Variants in DOCK9 observed in about 807,000 individuals in gnomAD.
DOCK9 encodes the protein dedicator of cytokinesis protein 9.
In DOCK9, 89 loss-of-function variants were observed where a neutral mutation model predicts 263.3. The observed-to-expected ratio is 0.34, with a 90% CI of 0.28 to 0.40. DOCK9 has a LOEUF of 0.40. DOCK9 is among the 10% of genes least tolerant of loss of function. DOCK9 has a pLI of 1.00. For missense variants in DOCK9, 2,140 were observed against 2,603.4 expected (o/e 0.82, Z 3.87); for synonymous variants, 976 against 973.1 (o/e 1.00, Z -0.06).
At chr13:98,998,323 C>T (rs1881516876) in intron 1 of DOCK9, among the ~76,000 whole-genome samples, 2 of 152,192 alleles carry the variant, frequency 1.3e-5, no homozygotes, top group Admixed American at 6.5e-5. Flanking sequence ...CCTCAAGATG[C>T]AAACTCTGCT....
intron 45 of DOCK9, among the ~76,000 whole-genome samples, chr13:98,817,774 T>A (rs1456399222): frequency 1.0e-4 from 12 of 115,356 alleles, no homozygotes; most frequent in Admixed American, 2.7e-4. Flanking sequence ...TTATATTTGC[T>A]AAAAAAAAAA....
At chr13:98,956,490 G>A (rs890868441) in intron 1 of DOCK9, among the ~76,000 whole-genome samples, 3 of 152,160 alleles carry the variant, frequency 2.0e-5, no homozygotes, top group African/African-American at 4.8e-5. Flanking sequence ...GCTCACACCC[G>A]TAATCTCAGC....
intron 1 of DOCK9, among the ~76,000 whole-genome samples, chr13:99,082,422 G>C (rs2042158567): frequency 6.6e-6 from 1 of 151,744 alleles, no homozygotes; most frequent in African/African-American, 2.4e-5. Flanking sequence ...AGGAGGCTGA[G>C]GCAGGAGAAC....
intron 1 of DOCK9, among the ~76,000 whole-genome samples, chr13:99,047,558 G>A (rs895898316): frequency 1.2e-4 from 16 of 137,266 alleles, no homozygotes; most frequent in African/African-American, 3.6e-4. Flanking sequence ...TCGCCCAGTC[G>A]CCTAGGCTGG....
At chr13:99,075,619 C>A (rs1257617850) in intron 1 of DOCK9, among the ~76,000 whole-genome samples, 2 of 151,904 alleles carry the variant, frequency 1.3e-5, no homozygotes, top group African/African-American at 4.8e-5. Context: ...CCCACCTCAG[C>A]CTCCCAAAGT....
chr13:98,902,728 T>C (rs949639869), intron 11 of DOCK9, among the ~76,000 whole-genome samples: 4 of 152,262 alleles, frequency 2.6e-5, no homozygotes, highest in South Asian at 2.1e-4. Flanking sequence ...GAAAACACAG[T>C]TGCGTTCCCT....
rs2089097902 is a variant in DOCK9 at position 98,794,600 on chromosome 13, C to T, written c.*26G>A. On this transcript the variant is annotated 3_prime_UTR_variant, in exon 53 of 53. Transcript: ENST00000682017. ...TGAGTTTGCAAATGACAAAGCAAGT[C>T]CCCACACACGGGCCATGAGATGTAA... The T allele has an allele frequency of 1.9e-6, 3 of 1,560,844 alleles. No individual in the cohort carries two copies. Among genetic ancestry groups the T allele is most frequent in the Middle Eastern group, 1.7e-4 (1 of 5,994 alleles).
rs772899328 is a variant in DOCK9, at chr13:98,914,434, T to C, written c.893-39A>G. On this transcript the variant is annotated intron_variant, in intron 8 of 52. Transcript: ENST00000682017. ...ACAGATTATCGGAATCACTTGTAAT[T>C]CATAGCATTTCATTTGAAACAGGAG... 2.6e-6 allele frequency: 4 copies of C among 1,551,908 alleles called. No homozygotes were observed. The African/African-American group carries it at 5.4e-5, about 21-fold the overall frequency.
chr13:98,972,473 G>A (rs2059835294), intron 1 of DOCK9, among the ~76,000 whole-genome samples: 1 of 152,150 alleles, frequency 6.6e-6, no homozygotes, highest in South Asian at 2.1e-4. Context: ...ATGGCAATGA[G>A]GTAGGGAACA....
At chr13:98,979,229 T>TAGCAGCAGCAGCAGCAGCAGC (rs1332460705), upstream of DOCK9, among the ~76,000 whole-genome samples, 1 of 125,050 alleles carries the variant, frequency 8.0e-6, no homozygotes, top group African/African-American at 3.4e-5. Context: ...GTAGTAGTAG[T>TAGCAGCAGCAGCAGCAGCAGC]AGCAGCAGCG....
At chr13:99,035,493 G>A (rs989298344) in intron 1 of DOCK9, among the ~76,000 whole-genome samples, 3 of 152,286 alleles carry the variant, frequency 2.0e-5, no homozygotes, top group South Asian at 4.1e-4. Flanking sequence ...TAAGTGATAC[G>A]TGCAATTTTA....
intron 1 of DOCK9, among the ~76,000 whole-genome samples, chr13:98,998,785 G>A (rs1881627058): frequency 6.6e-6 from 1 of 152,204 alleles, no homozygotes; most frequent in Non-Finnish European, 1.5e-5. Context: ...TAGTCATGGA[G>A]AGAGGCGAAG....
chr13:99,048,832 G>A (rs961735977), intron 1 of DOCK9, among the ~76,000 whole-genome samples: 1 of 152,056 alleles, frequency 6.6e-6, no homozygotes, highest in African/African-American at 2.4e-5. Flanking sequence ...ACTTTGTTAG[G>A]TAAAGACTTC....
At chr13:99,080,021 CAG>C (rs2042066245) in intron 1 of DOCK9, among the ~76,000 whole-genome samples, 1 of 152,326 alleles carries the variant, frequency 6.6e-6, no homozygotes, top group East Asian at 1.9e-4. Flanking sequence ...GCCTGGGTGA[CAG>C]AGTGAGACTC....
chr13:98,904,727 A>T (rs1314422929), intron 9 of DOCK9, 21 bp from the exon 10 acceptor site: 1 of 1,540,080 alleles, frequency 6.5e-7, no homozygotes, highest in Non-Finnish European at 8.8e-7. Context: ...GATACATGAA[A>T]ATTACATTTA....
intron 37 of DOCK9, chr13:98,847,009 T>C (rs1001817696): frequency 2.3e-5 from 4 of 170,596 alleles, no homozygotes; most frequent in Non-Finnish European, 2.5e-5. Context: ...CACACTTTTA[T>C]ATGCAAATAT....
intron 13 of DOCK9, 123 bp downstream of exon 13, chr13:98,901,655 A>C (rs2048294263): frequency 8.7e-7 from 1 of 1,145,662 alleles, no homozygotes. Flanking sequence ...CAGGTAGCAT[A>C]TTCTACATCT....
At chr13:98,896,263 C>T (rs1221762536) in intron 15 of DOCK9, among the ~76,000 whole-genome samples, 2 of 152,282 alleles carry the variant, frequency 1.3e-5, no homozygotes, top group Admixed American at 1.3e-4. Context: ...AGGGATTTCA[C>T]GTCGCTGTGA....
chr13:98,812,009 A>G (rs1044680913), intron 45 of DOCK9, among the ~76,000 whole-genome samples: 1 of 151,836 alleles, frequency 6.6e-6, no homozygotes, highest in African/African-American at 2.4e-5. Flanking sequence ...TGCTTTCTCT[A>G]TTGGATTGCC....
Sources: allele counts gnomAD v4.1 joint callset (sites outside exome capture counted in the v4.1 genomes callset), GRCh38; gene constraint gnomAD v4.1.1; transcripts MANE v1.5; gene names NCBI Gene and HGNC (gene_info 2026-07-23, HGNC 2026-07-21).